SGPL1: variants seen among roughly 807,000 people sequenced by gnomAD.
SGPL1 encodes the protein sphingosine-1-phosphate lyase 1.
Under a neutral mutation model 68.9 loss-of-function variants are expected in SGPL1, and 37 were observed. The observed-to-expected ratio is 0.54, with a 90% CI of 0.41 to 0.71. The LOEUF is 0.71. Ranked by LOEUF, SGPL1 falls within the 30% of genes least tolerant of loss-of-function variation. The pLI, the probability that SGPL1 is intolerant of heterozygous loss-of-function variation, is 0.00. For synonymous variants in SGPL1, 236 were observed against 248.5 expected, an observed-to-expected ratio of 0.95 and a Z score of 0.47; for missense variants, 551 against 704.6, an observed-to-expected ratio of 0.78 and a Z score of 2.47.
At chr10:70,862,810 C>G (rs1846100430) in intron 7 of SGPL1, among the ~76,000 whole-genome samples, 1 of 152,156 alleles carries the variant, frequency 6.6e-6, no homozygotes, top group Admixed American at 6.5e-5. Flanking sequence ...GGAACAAACT[C>G]CAGACGTGCT....
At chr10:70,831,567 A>G (rs371407634) in intron 2 of SGPL1, among the ~76,000 whole-genome samples, 33 of 152,304 alleles carry the variant, frequency 2.2e-4, no homozygotes, top group African/African-American at 7.5e-4. Context: ...GGGATACTGC[A>G]AAGGTTACAA....
chr10:70,817,007 T>C (rs1470425494), intron 2 of SGPL1, 127 bp downstream of exon 2: 1 of 969,374 alleles, frequency 1.0e-6, no homozygotes, highest in Non-Finnish European at 1.7e-6. Flanking sequence ...TTGCCACCTT[T>C]TATTTTGTTT....
At chr10:70,844,434 T>G in intron 2 of SGPL1, 39 bp from the exon 3 acceptor site, 1 of 1,584,020 alleles carries the variant, frequency 6.3e-7, no homozygotes, top group Admixed American at 1.7e-5. Context: ...CTTTTCTCTC[T>G]CTAAATGTAA....
chr10:70,844,133 G>A (rs1452151984), intron 2 of SGPL1, among the ~76,000 whole-genome samples: 1 of 152,146 alleles, frequency 6.6e-6, no homozygotes, highest in Non-Finnish European at 1.5e-5. Flanking sequence ...TGATATTGGG[G>A]GTATTAGTGT....
At chr10:70,816,371 G>A (rs1845228197) in intron 1 of SGPL1, among the ~76,000 whole-genome samples, 1 of 152,048 alleles carries the variant, frequency 6.6e-6, no homozygotes, top group Admixed American at 6.5e-5. Flanking sequence ...CCGCGGGGTA[G>A]GCATGGGCGG....
intron 7 of SGPL1, among the ~76,000 whole-genome samples, chr10:70,859,905 G>A (rs1846022252): frequency 6.6e-6 from 1 of 151,918 alleles, no homozygotes; most frequent in African/African-American, 2.4e-5. Flanking sequence ...CTCCCTACCC[G>A]CTTCTTCCCT....
At chr10:70,816,911 C>T (rs1451388377) in intron 2 of SGPL1, 31 bp downstream of exon 2, 1 of 1,611,390 alleles carries the variant, frequency 6.2e-7, no homozygotes, top group African/African-American at 1.3e-5. Flanking sequence ...CTCCTGGTTC[C>T]AAGGCATTTG....
chr10:70,843,518 T>A (rs917001524), intron 2 of SGPL1, among the ~76,000 whole-genome samples: 40 of 152,186 alleles, frequency 2.6e-4, no homozygotes, highest in African/African-American at 8.9e-4. Context: ...GTCAGGGAGA[T>A]AAGAAACAGA....
intron 12 of SGPL1, among the ~76,000 whole-genome samples, chr10:70,874,162 G>T (rs1846344934): frequency 6.6e-6 from 1 of 152,240 alleles, no homozygotes. Context: ...AGAACAGGCT[G>T]CATGCTTTGT....
At chr10:70,836,213 A>G (rs1456466707) in intron 2 of SGPL1, among the ~76,000 whole-genome samples, 2 of 152,224 alleles carry the variant, frequency 1.3e-5, no homozygotes, top group African/African-American at 4.8e-5. Flanking sequence ...TGTGAGCAGA[A>G]CAGTAAAGAG....
intron 3 of SGPL1, among the ~76,000 whole-genome samples, chr10:70,850,343 G>A (rs150377472): frequency 1.3e-3 from 205 of 152,196 alleles, no homozygotes; most frequent in Admixed American, 2.7e-3. Context: ...GGCATTTGTA[G>A]GTCCAGAAAA....
intron 7 of SGPL1, among the ~76,000 whole-genome samples, chr10:70,862,724 G>T (rs1435139804): frequency 6.6e-6 from 1 of 152,064 alleles, no homozygotes; most frequent in African/African-American, 2.4e-5. Flanking sequence ...GTGAAGGTCT[G>T]CAGCTTCACT....
chr10:70,820,520 A>C (rs1845319395), intron 2 of SGPL1: 1 of 152,166 alleles, frequency 6.6e-6, no homozygotes, highest in African/African-American at 2.4e-5. Context: ...CATGCCTGTA[A>C]TTCCAGCACT....
intron 2 of SGPL1, among the ~76,000 whole-genome samples, chr10:70,828,121 A>G (rs1277294333): frequency 6.6e-6 from 1 of 152,216 alleles, no homozygotes; most frequent in African/African-American, 2.4e-5. Context: ...CATAAAATGT[A>G]GAGTTGCTGT....
At chr10:70,859,881 T>C (rs1846021592) in intron 7 of SGPL1, among the ~76,000 whole-genome samples, 1 of 151,924 alleles carries the variant, frequency 6.6e-6, no homozygotes, top group South Asian at 2.1e-4. Flanking sequence ...ATATCTGCTC[T>C]CTACACTCTT....
intron 5 of SGPL1, among the ~76,000 whole-genome samples, chr10:70,855,431 C>G (rs759026805): frequency 6.6e-6 from 1 of 152,214 alleles, no homozygotes; most frequent in Non-Finnish European, 1.5e-5. Flanking sequence ...GAGCGTAACC[C>G]TGGAACCAGC....
intron 2 of SGPL1, among the ~76,000 whole-genome samples, chr10:70,832,530 C>T (rs1279002310): frequency 3.3e-5 from 5 of 152,272 alleles, no homozygotes; most frequent in Middle Eastern, 6.8e-3. Context: ...CTTCCCCAAT[C>T]GTGATATGCT....
chr10:70,816,277 G>A (rs973060911), intron 1 of SGPL1, among the ~76,000 whole-genome samples, 151 bp downstream of exon 1: 4 of 149,676 alleles, frequency 2.7e-5, no homozygotes, highest in African/African-American at 4.9e-5. Flanking sequence ...GGCTGAAGGC[G>A]TGGGCACCAG....
In SGPL1 at chr10:70,825,615, T is replaced by C. The variant is rs550886611; in HGVS notation, c.27+8735T>C. Among the ~76,000 whole-genome samples the C allele has an allele frequency of 3.9e-5, 6 of 152,336 alleles. No homozygotes were observed. In the South Asian group the frequency reaches 1.2e-3, roughly 32 times the overall value. On this transcript the variant is annotated intron_variant, in intron 2 of 14. Coordinates refer to ENST00000373202, the MANE Select transcript of SGPL1 (RefSeq NM_003901.4). The stretch of plus-strand genomic sequence containing the variant: ...CAAGCCCAAAGCTGCTTTGTTCCAG[T>C]AGTAGCCTTAGAATCTTAATTGCCT...
Sources: allele counts gnomAD v4.1 joint callset (sites outside exome capture counted in the v4.1 genomes callset), GRCh38; gene constraint gnomAD v4.1.1; transcripts MANE v1.5; gene names NCBI Gene and HGNC (gene_info 2026-07-23, HGNC 2026-07-21).